The following TDRD12 variants were observed in gnomAD, a reference collection of about 807,000 sequenced individuals.
The protein encoded by TDRD12 is tudor domain containing 12.
TDRD12 carries 158 observed loss-of-function variants against 133.5 expected under a neutral mutation model. That is an observed-to-expected ratio of 1.18 (90% confidence interval 1.04 to 1.35). The LOEUF is 1.35. Ranked by LOEUF, TDRD12 falls within the 40% of genes most tolerant of loss-of-function variation. TDRD12 has a pLI of 0.00. For synonymous variants in TDRD12, 460 were observed against 477.9 expected, an observed-to-expected ratio of 0.96 and a Z score of 0.49; for missense variants, 1,443 against 1,321.3, an observed-to-expected ratio of 1.09 and a Z score of -1.43.
chr19:32,728,145 C>T (rs933699499), intron 1 of TDRD12, among the ~76,000 whole-genome samples: 6 of 152,140 alleles, frequency 3.9e-5, no homozygotes, highest in Non-Finnish European at 8.8e-5. Flanking sequence ...ATTTCAGTAC[C>T]ATACTGTTTT....
intron 7 of TDRD12, among the ~76,000 whole-genome samples, chr19:32,756,502 C>T (rs1301187997): frequency 6.6e-6 from 1 of 152,222 alleles, no homozygotes; most frequent in East Asian, 1.9e-4. Context: ...ATTCTCCTGC[C>T]TCAGCCTCCC....
At chr19:32,734,135 T>C (rs545380353) in intron 2 of TDRD12, among the ~76,000 whole-genome samples, 7 of 152,208 alleles carry the variant, frequency 4.6e-5, no homozygotes, top group African/African-American at 1.7e-4. Flanking sequence ...GACTTCATGA[T>C]CCACCCGTCT....
chr19:32,739,071 A>G (rs774309395), intron 3 of TDRD12, 79 bp downstream of exon 3: 225 of 1,503,484 alleles, frequency 1.5e-4, no homozygotes, highest in Middle Eastern at 9.6e-4. Context: ...ATTTTAAAGT[A>G]CGGGGCTAGA....
chr19:32,801,219 A>C (rs868744631), intron 18 of TDRD12, among the ~76,000 whole-genome samples: 2 of 151,498 alleles, frequency 1.3e-5, no homozygotes, highest in South Asian at 4.2e-4. Context: ...AAAAAAAAAG[A>C]AGAAGAAAAA....
At chr19:32,750,408 T>C (rs1969788925) in intron 6 of TDRD12, among the ~76,000 whole-genome samples, 1 of 152,180 alleles carries the variant, frequency 6.6e-6, no homozygotes, top group Admixed American at 6.6e-5. Flanking sequence ...TCAGAGCCCA[T>C]GGAGGGTACC....
At chr19:32,815,987 C>T (rs1464578067) in intron 26 of TDRD12, among the ~76,000 whole-genome samples, 2 of 147,842 alleles carry the variant, frequency 1.4e-5, no homozygotes, top group African/African-American at 2.5e-5. Flanking sequence ...AGTGAGACTA[C>T]GTCTCAAAAA....
chr19:32,790,072 G>T (rs1222407786), intron 11 of TDRD12, among the ~76,000 whole-genome samples: 1 of 152,082 alleles, frequency 6.6e-6, no homozygotes, highest in South Asian at 2.1e-4. Flanking sequence ...AGTTTGCCAT[G>T]TGTGTAACCC....
intron 1 of TDRD12, 38 bp from the exon 2 acceptor site, chr19:32,731,687 T>C (rs1359456909): frequency 6.7e-7 from 1 of 1,493,052 alleles, no homozygotes; most frequent in Non-Finnish European, 8.9e-7. Flanking sequence ...TACTTTTAAA[T>C]CATACGCTGT....
exon 10 of TDRD12, chr19:32,828,371 C>T (rs1967655706): frequency 6.6e-6 from 1 of 151,938 alleles, no homozygotes; most frequent in Non-Finnish European, 1.5e-5. Context: ...ACCCCATCTG[C>T]ATTGTGGCTG....
chr19:32,802,974 C>G, exon 21 of TDRD12: 3 of 1,536,088 alleles, frequency 2.0e-6, no homozygotes, highest in Non-Finnish European at 2.6e-6. Flanking sequence ...TTGCTGCTGA[C>G]GGAGAAAGAT....
Position 32,720,158 on chromosome 19 carries a change from GCGCACAGCCTCCCACCCCCACCCCAGCTC to G in TDRD12, c.24+71_24+99del. The G allele has an allele frequency of 3.5e-6, 4 of 1,143,516 alleles. 1 individual carries two copies. Among genetic ancestry groups the G allele is most frequent in the Non-Finnish European group, 4.4e-6 (4 of 908,058 alleles). The allele number at this position is 1,143,516 out of a possible 1,614,324, so 70.8% of individuals were successfully genotyped here. The stretch of plus-strand genomic sequence containing the variant: ...GCAGTCCCCCACCCCCACCCCAGCC[GCGCACAGCCTCCCACCCCCACCCCAGCTC>G]CGCACAGCTTCCTACACCCACCGCA... On this transcript the variant is annotated intron_variant, in intron 1 of 27. Transcript: ENST00000444215.
At position 32,757,137 on chromosome 19, in the gene TDRD12, T is replaced by C; in HGVS notation, c.865+7T>C. On this transcript the variant is annotated splice_region_variant and intron_variant, in intron 8 of 27. Coordinates refer to ENST00000444215, the Ensembl canonical transcript of TDRD12. Reference sequence around the variant, plus strand: ...CCAACAGCCACAGCACAGGGTGAGTTCTGCTAATGTGGTTTATTTCATAGG... The same window carrying C: ...CCAACAGCCACAGCACAGGGTGAGTCCTGCTAATGTGGTTTATTTCATAGG... 3 of 1,547,810 alleles carry C rather than the reference T, an allele frequency of 1.9e-6. No individual in the cohort carries two copies. Among genetic ancestry groups the C allele is most frequent in the Non-Finnish European group, 2.6e-6 (3 of 1,143,426 alleles).
intron 10 of TDRD12, among the ~76,000 whole-genome samples, chr19:32,775,598 AT>A (rs1970558877): frequency 6.6e-6 from 1 of 151,794 alleles, no homozygotes; most frequent in Admixed American, 6.6e-5. Flanking sequence ...TTACCAAAAT[AT>A]TAGGATTACA....
At chr19:32,817,969 C>CAA (rs77102946) in intron 26 of TDRD12, 120 bp from the exon 27 acceptor site, 2,035 of 586,260 alleles carry the variant, frequency 3.5e-3, no homozygotes, top group East Asian at 4.3e-3. Context: ...GCCTCTGTCT[C>CAA]AAAAAAAAAA....
At chr19:32,820,818 G>C (rs1967354938) in intron 27 of TDRD12, among the ~76,000 whole-genome samples, 2 of 152,140 alleles carry the variant, frequency 1.3e-5, no homozygotes, top group South Asian at 4.1e-4. Flanking sequence ...GGCCTGCCTG[G>C]TCCCATGTCA....
At chr19:32,798,100 G>A (rs1971283123) in intron 15 of TDRD12, among the ~76,000 whole-genome samples, 1 of 152,168 alleles carries the variant, frequency 6.6e-6, no homozygotes, top group African/African-American at 2.4e-5. Context: ...GCTTCACTGA[G>A]AAAACTATGT....
At chr19:32,826,078 A>G, downstream of TDRD12, 2 of 1,534,236 alleles carry the variant, frequency 1.3e-6, no homozygotes, top group South Asian at 1.2e-5. Context: ...GTAGGAAAAT[A>G]TGACCTTGAT....
At chr19:32,796,224 GGTTGCA>G (rs1293734114) in intron 14 of TDRD12, 14 of 977,388 alleles carry the variant, frequency 1.4e-5, no homozygotes, top group Non-Finnish European at 1.6e-5. Context: ...GAAGACATAG[GGTTGCA>G]GTTAGGAAAA....
At chr19:32,739,136 G>T (rs1362780749) in intron 3 of TDRD12, 144 bp downstream of exon 3, 1 of 1,039,734 alleles carries the variant, frequency 9.6e-7, no homozygotes, top group African/African-American at 1.6e-5. Flanking sequence ...CAGAAGGGGT[G>T]CTTTCTGGGT....
Sources: allele counts gnomAD v4.1 joint callset (sites outside exome capture counted in the v4.1 genomes callset), GRCh38; gene constraint gnomAD v4.1.1; transcripts MANE v1.5; gene names NCBI Gene and HGNC (gene_info 2026-07-23, HGNC 2026-07-21).